Variants in FHIT observed in about 807,000 individuals in gnomAD.
The protein encoded by FHIT is fragile histidine triad diadenosine triphosphatase, also known as bis(5'-adenosyl)-triphosphatase.
Under a neutral mutation model 17.9 loss-of-function variants are expected in FHIT, and 19 were observed. The ratio of observed to expected loss-of-function variants is 1.06; its 90% CI spans 0.74 to 1.56. FHIT has a LOEUF of 1.56. Ranked by LOEUF, FHIT falls within the 40% of genes most tolerant of loss-of-function variation. The probability of loss-of-function intolerance (pLI) is 0.00; values close to 1 mark genes in which losing one functional copy is unlikely to be tolerated. For synonymous variants in FHIT, 81 were observed against 69.7 expected (o/e 1.16, Z -0.81); for missense variants, 248 against 189.2 (o/e 1.31, Z -1.82).
chr3:60,310,627 A>C (rs1195018335), intron 5 of FHIT, among the ~76,000 whole-genome samples: 1 of 152,150 alleles, frequency 6.6e-6, no homozygotes, highest in Non-Finnish European at 1.5e-5. Context: ...GTCCAACCTA[A>C]CCTGGCCTTA....
At chr3:60,023,205 C>T (rs1266733691) in intron 5 of FHIT, among the ~76,000 whole-genome samples, 1 of 152,162 alleles carries the variant, frequency 6.6e-6, no homozygotes, top group African/African-American at 2.4e-5. Context: ...ATACACTTTG[C>T]TATGAGAATC....
chr3:59,965,343 T>C (rs1231526887), intron 7 of FHIT, among the ~76,000 whole-genome samples: 1 of 152,086 alleles, frequency 6.6e-6, no homozygotes, highest in Non-Finnish European at 1.5e-5. Flanking sequence ...TATGTGACAA[T>C]ATATATCTAA....
At chr3:60,826,701 C>T (rs1702135535) in intron 3 of FHIT, among the ~76,000 whole-genome samples, 1 of 152,076 alleles carries the variant, frequency 6.6e-6, no homozygotes, top group East Asian at 1.9e-4. Flanking sequence ...AGCTCTCTGC[C>T]AGGGGAACAC....
intron 5 of FHIT, among the ~76,000 whole-genome samples, chr3:60,107,208 C>A (rs1177608757): frequency 1.6e-5 from 2 of 122,372 alleles, no homozygotes; most frequent in Middle Eastern, 7.7e-3. Context: ...GTTGGATCAA[C>A]TTACACATCC....
At chr3:59,834,048 A>T (rs142317752) in intron 8 of FHIT, among the ~76,000 whole-genome samples, 1 of 152,310 alleles carries the variant, frequency 6.6e-6, no homozygotes, top group Non-Finnish European at 1.5e-5. Flanking sequence ...TCTTTATAGC[A>T]GTGTGAAAAT....
chr3:60,960,899 G>A (rs1190448645), intron 3 of FHIT, among the ~76,000 whole-genome samples: 1 of 152,210 alleles, frequency 6.6e-6, no homozygotes, highest in Non-Finnish European at 1.5e-5. Flanking sequence ...ACACACGTGT[G>A]CATGTGTCTT....
rs188854892 is a variant in FHIT at position 60,577,675 on chromosome 3, T to C, written c.-17-40696A>G. ...ATCAGTGCTAAGAGGCTTTCCTGAT[T>C]ACTGAAATTTGGTTGGAAGTCTTTT... On this transcript the variant is annotated intron_variant, in intron 4 of 9. Transcript: ENST00000492590. 5.9e-5 allele frequency among the ~76,000 whole-genome samples: 9 copies of C among 152,256 alleles called. No individual in the cohort carries two copies. In the South Asian group the frequency reaches 8.3e-4, roughly 14 times the overall value.
chr3:60,430,491 G>T (rs181873005), intron 5 of FHIT, among the ~76,000 whole-genome samples: 1 of 152,062 alleles, frequency 6.6e-6, no homozygotes, highest in East Asian at 1.9e-4. Flanking sequence ...CTGGTTCATT[G>T]TGGGTCTAAG....
At chr3:60,197,224 G>A (rs376968946) in intron 5 of FHIT, among the ~76,000 whole-genome samples, 3 of 152,024 alleles carry the variant, frequency 2.0e-5, no homozygotes, top group African/African-American at 7.3e-5. Context: ...GCCACATGTG[G>A]CTCTTGTCAA....
In FHIT at chr3:59,869,484, CTT is replaced by C. The variant is rs59589849; in HGVS notation, c.348+52860_348+52861del. The stretch of plus-strand genomic sequence containing the variant: ...ATTCCATCTTTCCTTAAAGAACATC[CTT>C]TTTTTTTTTTTTTTAGACAGAGTCT... On this transcript the variant is annotated intron_variant, in intron 8 of 9. Transcript: ENST00000492590. Among the ~76,000 whole-genome samples, 91 of 105,410 alleles carry C rather than the reference CTT, an allele frequency of 8.6e-4. 6 individuals carry two copies. Among genetic ancestry groups the C allele is most frequent in the South Asian group, 2.6e-3 (8 of 3,032 alleles). The allele number at this position is 105,410 out of a possible 152,430, so 69.2% of individuals were successfully genotyped here.
chr3:60,060,196 A>AC (rs1702244170), intron 5 of FHIT, among the ~76,000 whole-genome samples: 1 of 151,622 alleles, frequency 6.6e-6, no homozygotes, highest in Non-Finnish European at 1.5e-5. Flanking sequence ...AAAAAAAAAA[A>AC]CCCAAATGTT....
intron 4 of FHIT, among the ~76,000 whole-genome samples, chr3:60,761,342 A>G (rs1425170647): frequency 6.6e-6 from 1 of 152,238 alleles, no homozygotes; most frequent in East Asian, 1.9e-4. Context: ...GAGCACATGC[A>G]TGTCTCAGAG....
At chr3:60,957,611 T>C (rs1326795895) in intron 3 of FHIT, among the ~76,000 whole-genome samples, 3 of 152,192 alleles carry the variant, frequency 2.0e-5, no homozygotes, top group Non-Finnish European at 4.4e-5. Flanking sequence ...TGCATATTCT[T>C]TTTTCAGTTA....
intron 5 of FHIT, among the ~76,000 whole-genome samples, chr3:60,487,453 A>C (rs1457601856): frequency 2.0e-5 from 3 of 152,172 alleles, no homozygotes; most frequent in Non-Finnish European, 4.4e-5. Context: ...GAAAGCAACA[A>C]TTGAGAGACT....
chr3:60,676,027 T>C (rs1553695305), intron 4 of FHIT, among the ~76,000 whole-genome samples: 1 of 152,200 alleles, frequency 6.6e-6, no homozygotes, highest in African/African-American at 2.4e-5. Flanking sequence ...CTTACGTATA[T>C]CAATCTTCTA....
At chr3:61,180,832 A>T (rs1486558367) in intron 2 of FHIT, among the ~76,000 whole-genome samples, 1 of 152,202 alleles carries the variant, frequency 6.6e-6, no homozygotes, top group Non-Finnish European at 1.5e-5. Context: ...TTATAGAAAG[A>T]GCATGGGAAC....
At chr3:60,688,991 T>G (rs1305593037) in intron 4 of FHIT, among the ~76,000 whole-genome samples, 1 of 152,172 alleles carries the variant, frequency 6.6e-6, no homozygotes, top group Non-Finnish European at 1.5e-5. Flanking sequence ...ATCTTGTAGC[T>G]CCCATAATTC....
At chr3:59,786,964 C>A (rs928566399) in intron 8 of FHIT, among the ~76,000 whole-genome samples, 4 of 152,150 alleles carry the variant, frequency 2.6e-5, no homozygotes, top group South Asian at 2.1e-4. Flanking sequence ...ACAAAGGCTG[C>A]ATAACTGAAT....
At chr3:60,262,181 T>G (rs1706337356) in intron 5 of FHIT, among the ~76,000 whole-genome samples, 1 of 152,006 alleles carries the variant, frequency 6.6e-6, no homozygotes. Context: ...AAATCTTTTG[T>G]CCCCTACAGC....
Sources: allele counts gnomAD v4.1 joint callset (sites outside exome capture counted in the v4.1 genomes callset), GRCh38; gene constraint gnomAD v4.1.1; transcripts MANE v1.5; gene names NCBI Gene and HGNC (gene_info 2026-07-23, HGNC 2026-07-21).